AGTPBP1: variants seen among roughly 807,000 people sequenced by gnomAD.
The protein encoded by AGTPBP1 is ATP/GTP binding carboxypeptidase 1.
A neutral mutation model predicts 143.9 loss-of-function variants in AGTPBP1; 70 were observed. That is an observed-to-expected ratio of 0.49 (90% CI 0.40 to 0.59). The LOEUF (loss-of-function observed/expected upper bound fraction) is 0.59, where lower values mean the gene tolerates loss of function less well. AGTPBP1 is among the 20% of genes least tolerant of loss of function. The pLI, the probability that AGTPBP1 is intolerant of heterozygous loss-of-function variation, is 0.00. For synonymous variants in AGTPBP1, 463 were observed against 500.2 expected, an observed-to-expected ratio of 0.93 and a Z score of 0.99; for missense variants, 1,229 against 1,464.5, an observed-to-expected ratio of 0.84 and a Z score of 2.62.
In AGTPBP1 at chr9:85,596,389, C is replaced by A. The variant is rs779664281; in HGVS notation, c.2396G>T (p.Arg799Leu). 1 of 1,610,520 alleles carries A rather than the reference C, an allele frequency of 6.2e-7. No homozygotes were observed. The highest frequency in any genetic ancestry group is 8.5e-7 in the Non-Finnish European group (1 of 1,178,328). Residue 799 changes from arginine to leucine, a missense_variant, in exon 18 of 26, where the codon CGT becomes CTT. Around this residue, in one of 2 missense-constraint regions of AGTPBP1, gnomAD observed 486 missense variants for 652.3 expected, o/e 0.75. Coordinates refer to ENST00000357081, the MANE Select transcript of AGTPBP1 (RefSeq NM_001330701.2). ...EALNARPWWIRMGTDICYYKN... is the reference protein window; with the variant it reads ...EALNARPWWILMGTDICYYKN... Reference sequence around the variant, plus strand: ...ATAGTAACAAATGTCAGTCCCCATACGAATCCACCATGGTCTGGCATTTAA... The same window carrying A: ...ATAGTAACAAATGTCAGTCCCCATAAGAATCCACCATGGTCTGGCATTTAA...
Position 85,628,693 on chromosome 9 carries a change from G to GT in AGTPBP1, c.2015+3968dup, listed in dbSNP as rs1831458193. ...AGGAGCAAATACAGGTAACAACAGA[G>GT]TTGGTTGTTTTTGTTTTTTTGTTTG... is the stretch of plus-strand genomic sequence containing the variant. On this transcript the variant is annotated intron_variant, in intron 14 of 25. Transcript: ENST00000357081. Among the ~76,000 whole-genome samples, 4 of 152,186 alleles carry GT rather than the reference G, an allele frequency of 2.6e-5. No individual in the cohort carries two copies. The South Asian group carries it at 8.3e-4, about 32-fold the overall frequency.
chr9:85,599,011 C>T (rs576233097), intron 17 of AGTPBP1, among the ~76,000 whole-genome samples: 3 of 152,070 alleles, frequency 2.0e-5, no homozygotes, highest in Admixed American at 6.6e-5. Context: ...CGTGAGCCAC[C>T]GTACCCGGCC....
upstream of AGTPBP1, among the ~76,000 whole-genome samples, chr9:85,742,709 A>C (rs1025653134): frequency 1.3e-5 from 2 of 152,254 alleles, no homozygotes; most frequent in Admixed American, 1.3e-4. Context: ...TATCTGAGCC[A>C]AAGTAATGTG....
chr9:85,687,540 AT>A (rs1835557284), intron 3 of AGTPBP1, among the ~76,000 whole-genome samples: 1 of 152,222 alleles, frequency 6.6e-6, no homozygotes, highest in African/African-American at 2.4e-5. Flanking sequence ...AAAGAATTAC[AT>A]TAGAAATCAA....
chr9:85,743,928 T>TTC (rs1491078347), upstream of AGTPBP1, among the ~76,000 whole-genome samples: 4 of 11,590 alleles, frequency 3.5e-4, no homozygotes, highest in African/African-American at 0.017. Context: ...TTTTCTTTCT[T>TTC]TTTTTTTTTT....
chr9:85,685,369 T>G (rs540345761), intron 3 of AGTPBP1, among the ~76,000 whole-genome samples: 76 of 151,926 alleles, frequency 5.0e-4, no homozygotes, highest in Non-Finnish European at 9.6e-4. Context: ...TGAAATCAGT[T>G]AGAAAAAAAT....
At chr9:85,716,923 G>A (rs1470559504) in intron 1 of AGTPBP1, among the ~76,000 whole-genome samples, 1 of 152,134 alleles carries the variant, frequency 6.6e-6, no homozygotes, top group Admixed American at 6.5e-5. Flanking sequence ...CTCTGCTCTG[G>A]ATGCACTGGC....
chr9:85,645,269 C>T (rs902994782), intron 12 of AGTPBP1, among the ~76,000 whole-genome samples: 3 of 152,072 alleles, frequency 2.0e-5, no homozygotes, highest in Non-Finnish European at 2.9e-5. Flanking sequence ...GTAGGGAAAA[C>T]GTGAGCAATC....
chr9:85,549,585 T>C (rs1825920941), intron 25 of AGTPBP1, among the ~76,000 whole-genome samples: 1 of 152,138 alleles, frequency 6.6e-6, no homozygotes, highest in South Asian at 2.1e-4. Context: ...AGAAAAAGCC[T>C]AGTCTTATAA....
At chr9:85,757,329 T>G in the AGTPBP1 span, among the ~76,000 whole-genome samples, 265 of 152,212 alleles carry the variant, frequency 1.7e-3, 2 homozygotes, top group Non-Finnish European at 2.0e-3. Flanking sequence ...CCTCCCAAAG[T>G]GCTGGAATTA....
chr9:85,776,763 C>T, the AGTPBP1 span, among the ~76,000 whole-genome samples: 20 of 152,184 alleles, frequency 1.3e-4, no homozygotes, highest in African/African-American at 4.8e-4. Flanking sequence ...TGGCAGTGTT[C>T]CTTCCTCTGA....
chr9:85,577,869 A>G (rs923760526), intron 24 of AGTPBP1, among the ~76,000 whole-genome samples: 1 of 152,200 alleles, frequency 6.6e-6, no homozygotes, highest in African/African-American at 2.4e-5. Flanking sequence ...AAGCTCTCCT[A>G]AAATATTTCA....
chr9:85,589,380 C>T, intron 20 of AGTPBP1, 148 bp downstream of exon 20: 2 of 995,120 alleles, frequency 2.0e-6, no homozygotes, highest in South Asian at 2.3e-5. Context: ...GAGGTGGGCT[C>T]ATGGCTAGCT....
intron 2 of AGTPBP1, among the ~76,000 whole-genome samples, chr9:85,709,895 A>G (rs1377902877): frequency 6.6e-6 from 1 of 152,180 alleles, no homozygotes; most frequent in Non-Finnish European, 1.5e-5. Context: ...ATTGCCACCT[A>G]CTGCCATGGG....
At chr9:85,557,088 A>G (rs1402648726) in intron 25 of AGTPBP1, among the ~76,000 whole-genome samples, 1 of 152,188 alleles carries the variant, frequency 6.6e-6, no homozygotes, top group Non-Finnish European at 1.5e-5. Flanking sequence ...TCAGACACTT[A>G]TTGTGAGAGA....
upstream of AGTPBP1, among the ~76,000 whole-genome samples, chr9:85,745,734 A>G (rs1466088721): frequency 6.6e-6 from 1 of 152,198 alleles, no homozygotes; most frequent in Admixed American, 6.5e-5. Context: ...GTGGTGGCTC[A>G]TGCCTGTAAT....
intron 8 of AGTPBP1, 119 bp downstream of exon 8, chr9:85,669,366 T>G: frequency 4.1e-6 from 2 of 488,442 alleles, no homozygotes; most frequent in Admixed American, 4.0e-5. Context: ...ATTTAAGAAC[T>G]AAGAAATGAA....
chr9:85,772,800 A>G, the AGTPBP1 span, among the ~76,000 whole-genome samples: 2 of 152,186 alleles, frequency 1.3e-5, no homozygotes, highest in Non-Finnish European at 2.9e-5. Context: ...CTTATTTATA[A>G]CATCCATTCT....
chr9:85,667,707 T>C (rs760779451), intron 8 of AGTPBP1, among the ~76,000 whole-genome samples: 4 of 152,160 alleles, frequency 2.6e-5, no homozygotes, highest in Non-Finnish European at 2.9e-5. Context: ...TATACTCATA[T>C]GTTAAATAAC....
Sources: gnomAD v4.1 joint callset for allele counts (sites outside exome capture counted in the v4.1 genomes callset) on GRCh38, gnomAD v4.1.1 for gene constraint, gnomAD v4.1.1 regional missense constraint, MANE v1.5 for transcripts, NCBI Gene and HGNC (gene_info 2026-07-23, HGNC 2026-07-21) for gene names.